LRRC3B: variants seen among roughly 807,000 people sequenced by gnomAD.
The protein encoded by LRRC3B is leucine-rich repeat-containing protein 3B.
LRRC3B carries 2 observed loss-of-function variants against 12.8 expected under a neutral mutation model. The ratio of observed to expected loss-of-function variants is 0.16; its 90% CI spans 0.06 to 0.49. The LOEUF (loss-of-function observed/expected upper bound fraction) is 0.49, where lower values mean the gene tolerates loss of function less well. LRRC3B is among the 20% of genes least tolerant of loss of function. The pLI is 0.96. For missense variants in LRRC3B, 189 were observed against 319.4 expected, an observed-to-expected ratio of 0.59 and a Z score of 3.11; for synonymous variants, 132 against 122.0, an observed-to-expected ratio of 1.08 and a Z score of -0.54.
intron 1 of LRRC3B, among the ~76,000 whole-genome samples, chr3:26,654,800 TTTTG>T (rs974020034): frequency 3.9e-5 from 6 of 152,112 alleles, no homozygotes; most frequent in Non-Finnish European, 7.4e-5. Context: ...AGAAAGAATA[TTTTG>T]TTTGTTTGTT....
At chr3:26,706,114 T>C (rs1700580123) in intron 1 of LRRC3B, among the ~76,000 whole-genome samples, 1 of 152,204 alleles carries the variant, frequency 6.6e-6, no homozygotes, top group East Asian at 1.9e-4. Flanking sequence ...TTGATGGCTC[T>C]CTTCTCTCTG....
chr3:26,688,717 C>T (rs529810229), intron 1 of LRRC3B, among the ~76,000 whole-genome samples: 7 of 152,238 alleles, frequency 4.6e-5, no homozygotes, highest in African/African-American at 1.2e-4. Flanking sequence ...GATCCTCCCC[C>T]GTGTTCCAAT....
chr3:26,636,034 C>T (rs914176897), intron 1 of LRRC3B, among the ~76,000 whole-genome samples: 3 of 152,104 alleles, frequency 2.0e-5, no homozygotes, highest in Admixed American at 2.0e-4. Context: ...TACTAGCTCA[C>T]CCCACGGTGA....
intron 1 of LRRC3B, among the ~76,000 whole-genome samples, chr3:26,695,469 G>A (rs1700291482): frequency 6.6e-6 from 1 of 152,170 alleles, no homozygotes; most frequent in Non-Finnish European, 1.5e-5. Flanking sequence ...GGAGCTTGCA[G>A]TGAGCTGAGA....
intron 1 of LRRC3B, among the ~76,000 whole-genome samples, chr3:26,663,956 T>C (rs909410553): frequency 2.6e-5 from 4 of 152,084 alleles, no homozygotes; most frequent in African/African-American, 9.7e-5. Flanking sequence ...ATCAGAGGAT[T>C]TTTCTATGAA....
chr3:26,705,488 T>G (rs1253700028), intron 1 of LRRC3B, among the ~76,000 whole-genome samples: 1 of 151,948 alleles, frequency 6.6e-6, no homozygotes, highest in Non-Finnish European at 1.5e-5. Flanking sequence ...CTTTAATGGG[T>G]CTTATTCCCT....
Position 26,671,413 on chromosome 3 carries a change from G to GAGAGAGAGAGAGAGAGAGAC in LRRC3B, c.-160-38099_-160-38098insGAGAGAGAGAGAGAGAGACA, listed in dbSNP as rs9331540. ...AGAGAGAGAGAGAGAGAGAGAGAGA[G>GAGAGAGAGAGAGAGAGAGAC]ACGAAGTCTTGCTCTGTCGCCAGGC... On this transcript the variant is annotated intron_variant, in intron 1 of 1. Transcript: ENST00000396641. 3.4e-3 allele frequency among the ~76,000 whole-genome samples: 336 copies of GAGAGAGAGAGAGAGAGAGAC among 99,266 alleles called. 37 individuals carry two copies. The highest frequency in any genetic ancestry group is 6.5e-3 in the East Asian group (17 of 2,626). 65.1% of individuals were successfully genotyped at this position (99,266 alleles called of 152,430 possible).
chr3:26,667,149 C>A (rs987316121), intron 1 of LRRC3B, among the ~76,000 whole-genome samples: 2 of 145,460 alleles, frequency 1.4e-5, no homozygotes, highest in African/African-American at 5.2e-5. Flanking sequence ...TCAGTTGAGA[C>A]TGGTATACCC....
At chr3:26,662,706 G>C (rs142946190) in intron 1 of LRRC3B, among the ~76,000 whole-genome samples, 1,527 of 152,174 alleles carry the variant, frequency 0.01, 17 homozygotes, top group African/African-American at 0.034. Flanking sequence ...TACTTTGGTG[G>C]TAGGAATGTC....
At chr3:26,708,683 C>A (rs369493814) in intron 1 of LRRC3B, among the ~76,000 whole-genome samples, 4 of 152,226 alleles carry the variant, frequency 2.6e-5, no homozygotes, top group African/African-American at 9.6e-5. Flanking sequence ...TTTCTGTAGC[C>A]CCTGCCAACA....
At chr3:26,643,276 G>GTA (rs1553601878) in intron 1 of LRRC3B, among the ~76,000 whole-genome samples, 1 of 118,168 alleles carries the variant, frequency 8.5e-6, no homozygotes, top group Middle Eastern at 4.3e-3. Flanking sequence ...GTGTGTGTGT[G>GTA]TATACATGTA....
At chr3:26,643,467 G>A (rs1288908441) in intron 1 of LRRC3B, among the ~76,000 whole-genome samples, 2 of 152,132 alleles carry the variant, frequency 1.3e-5, no homozygotes, top group East Asian at 3.9e-4. Flanking sequence ...GGTGGAATGA[G>A]CTGGCCTGGG....
At chr3:26,669,201 T>C (rs1699669454) in intron 1 of LRRC3B, among the ~76,000 whole-genome samples, 1 of 152,220 alleles carries the variant, frequency 6.6e-6, no homozygotes, top group Non-Finnish European at 1.5e-5. Context: ...CAATGTATTC[T>C]TGTGTTTGTG....
intron 1 of LRRC3B, among the ~76,000 whole-genome samples, chr3:26,673,862 CT>C (rs1336933412): frequency 1.3e-5 from 2 of 152,186 alleles, no homozygotes; most frequent in African/African-American, 4.8e-5. Context: ...CCTGTCCACT[CT>C]TTTGAGGTTC....
chr3:26,697,767 T>C (rs1700355459), intron 1 of LRRC3B, among the ~76,000 whole-genome samples: 1 of 152,180 alleles, frequency 6.6e-6, no homozygotes, highest in South Asian at 2.1e-4. Flanking sequence ...TTAAATCAGA[T>C]GTGCAAAGAC....
chr3:26,673,056 T>C (rs1575148421), intron 1 of LRRC3B, among the ~76,000 whole-genome samples: 1 of 152,226 alleles, frequency 6.6e-6, no homozygotes, highest in African/African-American at 2.4e-5. Flanking sequence ...CTAGCCTCTG[T>C]ATGTCAGTGT....
chr3:26,705,972 A>G (rs1481519157), intron 1 of LRRC3B, among the ~76,000 whole-genome samples: 1 of 152,150 alleles, frequency 6.6e-6, no homozygotes, highest in African/African-American at 2.4e-5. Context: ...TGCTGTCTAC[A>G]TCCTGGACAT....
chr3:26,673,923 A>C (rs1465453774), intron 1 of LRRC3B, among the ~76,000 whole-genome samples: 1 of 152,222 alleles, frequency 6.6e-6, no homozygotes, highest in Non-Finnish European at 1.5e-5. Flanking sequence ...AGCCAGCCAG[A>C]CTGCAGGAGG....
chr3:26,657,488 C>T (rs1699395835), intron 1 of LRRC3B, among the ~76,000 whole-genome samples: 1 of 152,312 alleles, frequency 6.6e-6, no homozygotes, highest in East Asian at 1.9e-4. Flanking sequence ...ACTCTTACAA[C>T]TCCCATGTCT....
Sources: gnomAD v4.1 joint callset for allele counts (sites outside exome capture counted in the v4.1 genomes callset) on GRCh38, gnomAD v4.1.1 for gene constraint, MANE v1.5 for transcripts, NCBI Gene and HGNC (gene_info 2026-07-23, HGNC 2026-07-21) for gene names.